The following TANC2 variants were observed in gnomAD, a reference collection of about 807,000 sequenced individuals.
The protein encoded by TANC2 is tetratricopeptide repeat, ankyrin repeat and coiled-coil containing 2, also known as protein TANC2.
TANC2 carries 26 observed loss-of-function variants against 210.5 expected under a neutral mutation model. The observed-to-expected ratio is 0.12, with a 90% confidence interval of 0.09 to 0.17. TANC2 has a LOEUF of 0.17. Among genes scored for constraint, TANC2 ranks in the 10% least tolerant of loss-of-function variants. The pLI is 1.00. For synonymous variants in TANC2, 931 were observed against 967.1 expected (o/e 0.96, Z 0.69); for missense variants, 2,129 against 2,608.9 (o/e 0.82, Z 4.01).
chr17:63,263,480 G>A (rs1339944764), intron 8 of TANC2, among the ~76,000 whole-genome samples: 2 of 152,110 alleles, frequency 1.3e-5, no homozygotes, highest in Non-Finnish European at 2.9e-5. Flanking sequence ...GTCTTTTGAA[G>A]CTTAAAGTAC....
intron 7 of TANC2, among the ~76,000 whole-genome samples, chr17:63,236,026 A>T (rs1487392897): frequency 6.6e-6 from 1 of 152,004 alleles, no homozygotes; most frequent in Non-Finnish European, 1.5e-5. Flanking sequence ...AGGGCCTGTT[A>T]TTGCTTACTT....
chr17:63,360,742 A>C (rs911071648), intron 14 of TANC2, among the ~76,000 whole-genome samples: 1 of 151,970 alleles, frequency 6.6e-6, no homozygotes, highest in Non-Finnish European at 1.5e-5. Flanking sequence ...TATTCTTTCT[A>C]TGTTTTGTAC....
intron 2 of TANC2, among the ~76,000 whole-genome samples, chr17:63,018,263 G>A (rs1049933778): frequency 2.0e-5 from 3 of 152,058 alleles, no homozygotes; most frequent in African/African-American, 4.8e-5. Flanking sequence ...GGCTGATGTC[G>A]GCGGGTCACC....
At chr17:63,210,535 CCTA>C (rs2041854512) in intron 7 of TANC2, among the ~76,000 whole-genome samples, 1 of 152,030 alleles carries the variant, frequency 6.6e-6, no homozygotes, top group Non-Finnish European at 1.5e-5. Flanking sequence ...ATTTATGTCT[CCTA>C]CTTTTTATTT....
chr17:63,311,725 G>A (rs7211569), intron 9 of TANC2, among the ~76,000 whole-genome samples: 3,194 of 152,258 alleles, frequency 0.021, 101 homozygotes, highest in African/African-American at 0.071. Flanking sequence ...AAAAGTGGAA[G>A]CAGCCCAAAT....
At chr17:63,326,226 C>G (rs2045639689) in intron 11 of TANC2, among the ~76,000 whole-genome samples, 1 of 152,072 alleles carries the variant, frequency 6.6e-6, no homozygotes, top group South Asian at 2.1e-4. Flanking sequence ...GAATTAGACC[C>G]AAGGACATGT....
At chr17:62,973,995 T>C (rs151335751) in intron 1 of TANC2, among the ~76,000 whole-genome samples, 44 of 152,338 alleles carry the variant, frequency 2.9e-4, no homozygotes, top group African/African-American at 1.1e-3. Context: ...GTCGAGACCA[T>C]ACGGCCTGCA....
At chr17:63,336,854 A>G (rs1386375251) in intron 11 of TANC2, among the ~76,000 whole-genome samples, 1 of 152,230 alleles carries the variant, frequency 6.6e-6, no homozygotes, top group African/African-American at 2.4e-5. Flanking sequence ...ATTTATTATG[A>G]GTAGACTAAT....
chr17:63,004,777 G>A (rs1369898051), intron 1 of TANC2: 7 of 342,548 alleles, frequency 2.0e-5, no homozygotes, highest in Non-Finnish European at 4.0e-5. Context: ...TTTTCTGCAG[G>A]GTTATTCCCC....
intron 4 of TANC2, 108 bp downstream of exon 4, chr17:63,099,465 C>A (rs2037540405): frequency 1.3e-6 from 1 of 745,020 alleles, no homozygotes; most frequent in Non-Finnish European, 1.9e-6. Flanking sequence ...TCCTCTCTGG[C>A]CTTCCTAATG....
At chr17:63,362,138 A>G (rs955267260) in intron 14 of TANC2, among the ~76,000 whole-genome samples, 8 of 151,588 alleles carry the variant, frequency 5.3e-5, no homozygotes, top group African/African-American at 1.5e-4. Flanking sequence ...GAGACCTGGA[A>G]TGGGTAGCTC....
intron 5 of TANC2, among the ~76,000 whole-genome samples, chr17:63,171,534 G>T (rs1030819095): frequency 2.0e-5 from 3 of 152,118 alleles, no homozygotes; most frequent in African/African-American, 7.2e-5. Flanking sequence ...TTTTAATAGA[G>T]AATAAGAGCT....
intron 14 of TANC2, among the ~76,000 whole-genome samples, chr17:63,374,489 A>G (rs1343768281): frequency 6.6e-6 from 1 of 152,174 alleles, no homozygotes; most frequent in Non-Finnish European, 1.5e-5. Context: ...AGTGCCCTGC[A>G]GTGGGTGCTG....
intron 5 of TANC2, among the ~76,000 whole-genome samples, chr17:63,176,805 C>CAAA (rs60736520): frequency 1.1e-4 from 10 of 93,144 alleles, no homozygotes; most frequent in Admixed American, 6.0e-4. Flanking sequence ...GACTCCATCT[C>CAAA]AAAAAAAAAA....
intron 10 of TANC2, among the ~76,000 whole-genome samples, chr17:63,315,415 A>G (rs567030535): frequency 1.3e-5 from 2 of 152,262 alleles, no homozygotes; most frequent in East Asian, 3.9e-4. Context: ...TAAATGGGAG[A>G]ACTAAGCAGT....
chr17:63,176,115 A>G (rs1369658763), intron 5 of TANC2, among the ~76,000 whole-genome samples: 2 of 152,224 alleles, frequency 1.3e-5, no homozygotes, highest in Non-Finnish European at 1.5e-5. Flanking sequence ...GTATAAAGTC[A>G]CCAGTCACTT....
chr17:62,997,572 T>A (rs2033177478), intron 1 of TANC2, among the ~76,000 whole-genome samples: 1 of 152,184 alleles, frequency 6.6e-6, no homozygotes, highest in South Asian at 2.1e-4. Context: ...AAAAGGAGAT[T>A]GTATGGATTG....
At chr17:63,153,055 T>G (rs1249710470) in intron 5 of TANC2, 1 of 152,204 alleles carries the variant, frequency 6.6e-6, no homozygotes. Context: ...TTATAGTGAT[T>G]TGCTCATCTC....
rs568633797 is a variant in TANC2, at chr17:63,362,402, C to T, written c.2582+7012C>T. On this transcript the variant is annotated intron_variant, in intron 14 of 27. Coordinates refer to ENST00000689528, the Ensembl canonical transcript of TANC2. ...ACAGCCCAGCCCCCATGCTTCAGGC[C>T]GTTTCTGGCCTGAAGGTGGGGCTTC... is the stretch of plus-strand genomic sequence containing the variant. Among the ~76,000 whole-genome samples the T allele has an allele frequency of 4.6e-5, 7 of 152,320 alleles. No homozygotes were observed. The East Asian group carries it at 1.2e-3, about 25-fold the overall frequency.
Sources: gnomAD v4.1 joint callset for allele counts (sites outside exome capture counted in the v4.1 genomes callset) on GRCh38, gnomAD v4.1.1 for gene constraint, MANE v1.5 for transcripts, NCBI Gene and HGNC (gene_info 2026-07-23, HGNC 2026-07-21) for gene names.